FRAS1: variants seen among roughly 807,000 people sequenced by gnomAD.
FRAS1 encodes extracellular matrix organizing protein FRAS1.
In FRAS1, 290 loss-of-function variants were observed where a neutral mutation model predicts 435.2. The ratio of observed to expected loss-of-function variants is 0.67; its 90% CI spans 0.61 to 0.73. FRAS1 has a LOEUF of 0.73. Ranked by LOEUF, FRAS1 falls within the 30% of genes least tolerant of loss-of-function variation. The probability of loss-of-function intolerance (pLI) is 0.00; values close to 1 mark genes in which losing one functional copy is unlikely to be tolerated. For missense variants in FRAS1, 4,860 were observed against 5,001.5 expected, an observed-to-expected ratio of 0.97 and a Z score of 0.85; for synonymous variants, 1,800 against 1,851.0, an observed-to-expected ratio of 0.97 and a Z score of 0.71.
intron 20 of FRAS1, among the ~76,000 whole-genome samples, chr4:78,357,719 T>C (rs1052223926): frequency 5.3e-5 from 8 of 152,042 alleles, no homozygotes; most frequent in African/African-American, 1.9e-4. Context: ...CTGGGCAATA[T>C]AGTGAGACTC....
rs779044985 is a variant in FRAS1, at chr4:78,446,836, C to G, written c.5966C>G (p.Pro1989Arg). Reference protein sequence around the residue: ...SSLSLQDLDTPDNELIFVLTK... With the variant: ...SSLSLQDLDTRDNELIFVLTK... ...TTGAGCCTGCAAGACCTGGACACCC[C>G]AGATAATGAGCTCATTTTTGTATTG... The change falls in exon 43 of 74, where the codon CCA (proline) becomes CGA (arginine). Residue 1989 changes from proline to arginine, a missense_variant. Pro to Arg is a moderately radical substitution (Grantham distance 103, BLOSUM62 -2). Coordinates refer to ENST00000512123, the MANE Select transcript of FRAS1 (RefSeq NM_025074.7). 3.1e-6 allele frequency: 5 copies of G among 1,612,118 alleles called. No individual in the cohort carries two copies. The highest frequency in any genetic ancestry group is 3.3e-4 in the Middle Eastern group (2 of 6,058).
chr4:78,261,042 C>A (rs371580273), intron 6 of FRAS1, among the ~76,000 whole-genome samples: 1 of 151,950 alleles, frequency 6.6e-6, no homozygotes, highest in East Asian at 1.9e-4. Flanking sequence ...TCTTAGATTG[C>A]TCCTCTCTGT....
intron 61 of FRAS1, among the ~76,000 whole-genome samples, chr4:78,505,559 C>A (rs1402663434): frequency 2.0e-5 from 3 of 152,104 alleles, no homozygotes; most frequent in Non-Finnish European, 2.9e-5. Flanking sequence ...AGCTCTTGTG[C>A]CATGGTTTTC....
intron 2 of FRAS1, among the ~76,000 whole-genome samples, chr4:78,111,931 A>G (rs1742739042): frequency 6.6e-6 from 1 of 152,120 alleles, no homozygotes; most frequent in South Asian, 2.1e-4. Flanking sequence ...TTCTGATGAC[A>G]TTGTTTTCAA....
At chr4:78,145,367 A>G (rs1720373671) in intron 2 of FRAS1, among the ~76,000 whole-genome samples, 1 of 152,212 alleles carries the variant, frequency 6.6e-6, no homozygotes, top group Non-Finnish European at 1.5e-5. Flanking sequence ...ATATGTATAC[A>G]TATACAAGCC....
rs775100936 is a variant in FRAS1 at position 78,363,959 on chromosome 4, C to G, written c.2627C>G (p.Ser876Cys). The G allele has an allele frequency of 6.2e-7, 1 of 1,613,348 alleles. No individual in the cohort carries two copies. The highest frequency in any genetic ancestry group is 2.2e-5 in the East Asian group (1 of 44,868). The change falls in exon 22 of 74, where the codon TCC becomes TGC. Residue 876 changes from serine to cysteine, a missense_variant. Ser to Cys is a moderately radical substitution (Grantham distance 112). Transcript: ENST00000512123. Reference sequence around the variant, plus strand: ...CAGGGCAGAGGACCTTTCTCCTGCTCCTCATGTGACACCAACCTCGTGCTG... The same window carrying G: ...CAGGGCAGAGGACCTTTCTCCTGCTGCTCATGTGACACCAACCTCGTGCTG... ...TCQGRGPFSCSSCDTNLVLSH... is the reference protein window; with the variant it reads ...TCQGRGPFSCCSCDTNLVLSH...
chr4:78,479,372 A>G lies in FRAS1; in HGVS notation c.8099-2A>G. ...TTTGGTTTTTTGCCATTTGTATTTC[A>G]GGAGATGCAAGCAGCATTGTATCTG... On this transcript the variant is annotated splice_acceptor_variant, in intron 55 of 73. Coordinates refer to ENST00000512123, the MANE Select transcript of FRAS1 (RefSeq NM_025074.7). LOFTEE classifies it high-confidence loss of function. 6.8e-7 allele frequency: 1 copy of G among 1,463,732 alleles called. No homozygotes were observed. Among genetic ancestry groups the G allele is most frequent in the Non-Finnish European group, 9.1e-7 (1 of 1,104,334 alleles). 90.7% of individuals were successfully genotyped at this position (1,463,732 alleles called of 1,614,324 possible).
intron 29 of FRAS1, among the ~76,000 whole-genome samples, chr4:78,390,757 C>T (rs1456613147): frequency 6.6e-6 from 1 of 152,206 alleles, no homozygotes; most frequent in Non-Finnish European, 1.5e-5. Flanking sequence ...CTGATTCATT[C>T]TAACAGCCAT....
intron 2 of FRAS1, among the ~76,000 whole-genome samples, chr4:78,215,160 C>T (rs865918949): frequency 1.4e-4 from 21 of 148,554 alleles, no homozygotes; most frequent in African/African-American, 5.0e-4. Context: ...TGGTAAAATA[C>T]GTATGACATA....
At position 78,315,700 on chromosome 4, in the gene FRAS1, C is replaced by A. The variant is rs557214616; in HGVS notation, c.1785C>A (p.Gly595=). 1.1e-5 allele frequency: 17 copies of A among 1,613,808 alleles called. No individual in the cohort carries two copies. The highest frequency in any genetic ancestry group is 1.4e-5 in the Non-Finnish European group (17 of 1,179,890). ...GGAAATGCATGTCTGAATGCCCTGGCGGGTACTATGCTGATGCCACTGGCA... is the reference window on the plus strand; with the variant it reads ...GGAAATGCATGTCTGAATGCCCTGGAGGGTACTATGCTGATGCCACTGGCA... ...HDGKCMSECP[G]GYYADATGRC... Residue 595 remains glycine (G), a synonymous_variant, in exon 16 of 74, where the codon GGC becomes GGA. Transcript: ENST00000512123.
At chr4:78,434,009 A>G (rs1005421065) in intron 38 of FRAS1, among the ~76,000 whole-genome samples, 1 of 152,220 alleles carries the variant, frequency 6.6e-6, no homozygotes, top group African/African-American at 2.4e-5. Context: ...TTAAAGACTT[A>G]GGTAGGTTAT....
At chr4:78,190,932 T>G (rs1023544680) in intron 2 of FRAS1, among the ~76,000 whole-genome samples, 1 of 152,128 alleles carries the variant, frequency 6.6e-6, no homozygotes, top group African/African-American at 2.4e-5. Flanking sequence ...TTAAATGAGG[T>G]CATAAGAGTG....
intron 30 of FRAS1, among the ~76,000 whole-genome samples, chr4:78,405,645 A>G (rs1052026628): frequency 3.3e-5 from 5 of 152,212 alleles, no homozygotes; most frequent in Admixed American, 1.3e-4. Context: ...ATATGCCATC[A>G]ATTGCCCAAT....
At chr4:78,317,099 A>T (rs923705365) in intron 16 of FRAS1, among the ~76,000 whole-genome samples, 3 of 152,252 alleles carry the variant, frequency 2.0e-5, no homozygotes, top group African/African-American at 7.2e-5. Context: ...GTTGTTAGGA[A>T]AATTAAAAGT....
chr4:78,510,130 G>A (rs533269882), intron 63 of FRAS1, among the ~76,000 whole-genome samples: 40 of 152,156 alleles, frequency 2.6e-4, no homozygotes, highest in African/African-American at 9.6e-4. Context: ...AAATCAACAT[G>A]GCAAGAATTA....
At chr4:78,188,537 T>G (rs1051225868) in intron 2 of FRAS1, among the ~76,000 whole-genome samples, 2 of 152,244 alleles carry the variant, frequency 1.3e-5, no homozygotes, top group African/African-American at 4.8e-5. Context: ...GCCTTTCAAC[T>G]GTTTGGATCA....
intron 20 of FRAS1, among the ~76,000 whole-genome samples, chr4:78,354,906 A>G (rs1176822563): frequency 6.6e-6 from 1 of 152,192 alleles, no homozygotes; most frequent in Non-Finnish European, 1.5e-5. Context: ...TTTCACTGCC[A>G]TGTGCTTCCA....
At chr4:78,281,090 C>T (rs577019560) in intron 10 of FRAS1, among the ~76,000 whole-genome samples, 91 of 152,308 alleles carry the variant, frequency 6.0e-4, no homozygotes, top group Non-Finnish European at 9.6e-4. Flanking sequence ...TGGCACCATG[C>T]AAAATTCAAG....
intron 29 of FRAS1, 91 bp downstream of exon 29, chr4:78,387,792 T>TA: frequency 1.2e-6 from 1 of 855,902 alleles, no homozygotes; most frequent in Middle Eastern, 2.3e-4. Context: ...AAAGTTAAGA[T>TA]ATGGGTAGTC....
Sources: gnomAD v4.1 joint callset for allele counts (sites outside exome capture counted in the v4.1 genomes callset) on GRCh38, gnomAD v4.1.1 for gene constraint, MANE v1.5 for transcripts, NCBI Gene and HGNC (gene_info 2026-07-23, HGNC 2026-07-21) for gene names.